Variants in LHX6 observed in about 807,000 individuals in gnomAD.
The protein encoded by LHX6 is LIM/homeobox protein Lhx6.
Under a neutral mutation model 47.1 loss-of-function variants are expected in LHX6, and 15 were observed. The ratio of observed to expected loss-of-function variants is 0.32; its 90% CI spans 0.21 to 0.49. The LOEUF (loss-of-function observed/expected upper bound fraction) is 0.49, where lower values mean the gene tolerates loss of function less well. Among genes scored for constraint, LHX6 ranks in the 20% least tolerant of loss-of-function variants. The probability of loss-of-function intolerance (pLI) is 0.99; values close to 1 mark genes in which losing one functional copy is unlikely to be tolerated. For missense variants in LHX6, 404 were observed against 539.6 expected (o/e 0.75, Z 2.49); for synonymous variants, 242 against 233.5 (o/e 1.04, Z -0.33).
rs185397276 is a variant in LHX6, at chr9:122,226,253, G to A, written c.461+123C>T. 2.3e-6 allele frequency: 3 copies of A among 1,294,110 alleles called. No homozygotes were observed. The highest frequency in any genetic ancestry group is 3.0e-5 in the South Asian group (2 of 67,504). The allele number at this position is 1,294,110 out of a possible 1,614,324, so 80.2% of individuals were successfully genotyped here. ...CGCCGGCAGGTTGGACCAGCGCTGC[G>A]CGCCGGAAGTGCACTCGGGACGCCG... On this transcript the variant is annotated intron_variant, in intron 4 of 9. Coordinates refer to ENST00000394319, the MANE Select transcript of LHX6 (RefSeq NM_014368.5). This position sits in a 1 kb window ranked among gnomAD's most constrained non-coding sequence, Gnocchi z 6.5.
chr9:122,205,155 G>A (rs968026325), intron 9 of LHX6, among the ~76,000 whole-genome samples: 2 of 152,208 alleles, frequency 1.3e-5, no homozygotes, highest in African/African-American at 2.4e-5. Context: ...GGGCACTCAG[G>A]CTCAAAGAGG....
intron 8 of LHX6, 31 bp from the exon 9 acceptor site, chr9:122,209,748 C>T: frequency 1.3e-6 from 1 of 775,450 alleles, no homozygotes; most frequent in Non-Finnish European, 2.4e-6. Flanking sequence ...TGGAGCTCAT[C>T]CCCCAGGCTG....
rs1312057080 is a variant in LHX6 at position 122,228,015 on chromosome 9, G to C, written c.85-535C>G. On this transcript the variant is annotated intron_variant, in intron 1 of 9. Transcript: ENST00000394319. ...CTCCTCTCGGCACAAAATGCAAAAAGGAGAAAAGAGAGAAAGAAAGAAAAT... is the reference window on the plus strand; with the variant it reads ...CTCCTCTCGGCACAAAATGCAAAAACGAGAAAAGAGAGAAAGAAAGAAAAT... 1.7e-5 allele frequency: 4 copies of C among 231,642 alleles called. No individual in the cohort carries two copies. The East Asian group carries it at 5.7e-4, about 33-fold the overall frequency. The allele number at this position is 231,642 out of a possible 1,614,324, so 14.3% of individuals were successfully genotyped here.
At chr9:122,222,570 C>G (rs980096718) in intron 4 of LHX6, among the ~76,000 whole-genome samples, 10 of 152,218 alleles carry the variant, frequency 6.6e-5, no homozygotes, top group African/African-American at 2.4e-4. Flanking sequence ...GAGAACCAAC[C>G]TCTCCCAACA....
intron 4 of LHX6, among the ~76,000 whole-genome samples, chr9:122,218,762 G>C (rs889080875): frequency 6.6e-6 from 1 of 151,836 alleles, no homozygotes; most frequent in African/African-American, 2.4e-5. Flanking sequence ...AAGATATGCC[G>C]CCCCACCATC....
chr9:122,214,269 G>A lies in LHX6; in HGVS notation c.783+14C>T, dbSNP rs376993653. On this transcript the variant is annotated intron_variant, in intron 6 of 9. Transcript: ENST00000394319. This position sits in a 1 kb window ranked among gnomAD's most constrained non-coding sequence, Gnocchi z 4.6. Reference sequence around the variant, plus strand: ...CCGGCCCCCGCCCCCGCCGCCCACTGCTTGCAGCGGTACCTGCAGCTGTTC... The same window carrying A: ...CCGGCCCCCGCCCCCGCCGCCCACTACTTGCAGCGGTACCTGCAGCTGTTC... The A allele has an allele frequency of 1.3e-6, 2 of 1,583,088 alleles. No homozygotes were observed. The highest frequency in any genetic ancestry group is 1.7e-6 in the Non-Finnish European group (2 of 1,170,176).
intron 8 of LHX6, among the ~76,000 whole-genome samples, chr9:122,211,389 G>T (rs1013732558): frequency 6.6e-6 from 1 of 152,186 alleles, no homozygotes; most frequent in Admixed American, 6.5e-5. Context: ...TTTTTCTGGG[G>T]TCTGGTTCCA....
rs1352866889 is a variant in LHX6 at position 122,221,444 on chromosome 9, G to T, written c.462-4156C>A. ...TTGCGGGAGGGGGTAGGCTTCTCCCGCTGGAGCCCGCGACAGAGCTTGGGC... is the reference window on the plus strand; with the variant it reads ...TTGCGGGAGGGGGTAGGCTTCTCCCTCTGGAGCCCGCGACAGAGCTTGGGC... On this transcript the variant is annotated intron_variant, in intron 4 of 9. Coordinates refer to ENST00000394319, the MANE Select transcript of LHX6 (RefSeq NM_014368.5). 1.5e-5 allele frequency: 15 copies of T among 985,374 alleles called. No homozygotes were observed. In the Admixed American group the frequency reaches 8.6e-4, roughly 57 times the overall value. The allele number at this position is 985,374 out of a possible 1,614,324, so 61.0% of individuals were successfully genotyped here.
At chr9:122,227,665 T>C in intron 1 of LHX6, 185 bp from the exon 2 acceptor site, 1 of 1,284,210 alleles carries the variant, frequency 7.8e-7, no homozygotes, top group Non-Finnish European at 1.0e-6. Flanking sequence ...CAATTTGAAT[T>C]TGGATTGGAT....
At chr9:122,227,674 A>AT (rs1831169955) in intron 1 of LHX6, 194 bp from the exon 2 acceptor site, 4 of 1,226,080 alleles carry the variant, frequency 3.3e-6, no homozygotes, top group African/African-American at 3.2e-5. Context: ...TTTGGATTGG[A>AT]TTTTTTCCCT....
intron 4 of LHX6, among the ~76,000 whole-genome samples, chr9:122,219,816 C>T (rs964345186): frequency 4.6e-5 from 7 of 152,238 alleles, no homozygotes; most frequent in Non-Finnish European, 1.0e-4. Flanking sequence ...TGCGGAGCAA[C>T]TGGACTGGCG....
chr9:122,227,485 G>T lies in LHX6; in HGVS notation c.85-5C>A, dbSNP rs1163025279. The T allele has an allele frequency of 1.3e-6, 2 of 1,520,322 alleles. No homozygotes were observed. Among genetic ancestry groups the T allele is most frequent in the African/African-American group, 2.8e-5 (2 of 71,560 alleles). The allele number at this position is 1,520,322 out of a possible 1,614,324, so 94.2% of individuals were successfully genotyped here. Reference sequence around the variant, plus strand: ...GGACCCTGGCTGGGCCATCACCTGGGGGAGGGGGGGAGGGAACGCAGGCGG... The same window carrying T: ...GGACCCTGGCTGGGCCATCACCTGGTGGAGGGGGGGAGGGAACGCAGGCGG... On this transcript the variant is annotated splice_polypyrimidine_tract_variant and splice_region_variant and intron_variant, in intron 1 of 9. Transcript: ENST00000394319.
chr9:122,221,323 C>G (rs1830846930), intron 4 of LHX6: 2 of 985,634 alleles, frequency 2.0e-6, no homozygotes, highest in Non-Finnish European at 2.4e-6. Context: ...CTCGGCTCCC[C>G]CAACATCTGT....
chr9:122,206,367 A>C (rs1830180247), intron 9 of LHX6, among the ~76,000 whole-genome samples: 1 of 152,140 alleles, frequency 6.6e-6, no homozygotes, highest in Non-Finnish European at 1.5e-5. Flanking sequence ...AGCCCAGACA[A>C]TCCTGTGCTG....
In LHX6 at chr9:122,213,923, G is replaced by T. The variant is rs907881662; in HGVS notation, c.879+51C>A. 1 of 1,546,758 alleles carries T rather than the reference G, an allele frequency of 6.5e-7. No homozygotes were observed. The highest frequency in any genetic ancestry group is 2.3e-5 in the East Asian group (1 of 44,244). On this transcript the variant is annotated intron_variant, in intron 7 of 9. Transcript: ENST00000394319. This position sits in a 1 kb window ranked among gnomAD's most constrained non-coding sequence, Gnocchi z 5.5. ...CACCCTCCGCGCCGAGCCCAGCTAC[G>T]AGCTCCGGGGCGTGCCCGCGGTCCC...
In LHX6 at chr9:122,204,724, G is replaced by T; in HGVS notation, c.*36C>A. 6.3e-7 allele frequency: 1 copy of T among 1,595,402 alleles called. No individual in the cohort carries two copies. The highest frequency in any genetic ancestry group is 8.5e-7 in the Non-Finnish European group (1 of 1,170,836). ...TCTCAGCGGCTGAGGGGCAGCTGTG[G>T]GGCGCCCACGGGCAGATGCGGAAGT... On this transcript the variant is annotated 3_prime_UTR_variant, in exon 10 of 10. Transcript: ENST00000394319.
chr9:122,204,794 G>A lies in LHX6; in HGVS notation c.1159-14C>T, dbSNP rs1260701023. 6.4e-6 allele frequency: 10 copies of A among 1,573,168 alleles called. No homozygotes were observed. The highest frequency in any genetic ancestry group is 8.6e-6 in the Non-Finnish European group (10 of 1,157,994). On this transcript the variant is annotated splice_polypyrimidine_tract_variant and intron_variant, in intron 9 of 9. Transcript: ENST00000394319. ...AAAAAGGATGACCTGCAAGAGGAGGGCATGGGAGGTGGCTGAGCTGGGGGC... is the reference window on the plus strand; with the variant it reads ...AAAAAGGATGACCTGCAAGAGGAGGACATGGGAGGTGGCTGAGCTGGGGGC...
intron 4 of LHX6, among the ~76,000 whole-genome samples, chr9:122,224,836 C>T (rs1445169785): frequency 6.6e-6 from 1 of 152,188 alleles, no homozygotes; most frequent in Admixed American, 6.5e-5. Flanking sequence ...ACCCCCAACC[C>T]TGCCCAGTGA....
At chr9:122,221,329 T>A in intron 4 of LHX6, 1 of 985,376 alleles carries the variant, frequency 1.0e-6, no homozygotes. Flanking sequence ...TCCCCCAACA[T>A]CTGTCCCCCA....
Sources: gnomAD v4.1 joint callset for allele counts (sites outside exome capture counted in the v4.1 genomes callset) on GRCh38, gnomAD v4.1.1 for gene constraint, Gnocchi (gnomAD v3.1) non-coding constraint, MANE v1.5 for transcripts, NCBI Gene and HGNC (gene_info 2026-07-23, HGNC 2026-07-21) for gene names.